The following ARPC2 variants were observed in gnomAD, a reference collection of about 807,000 sequenced individuals.
ARPC2 encodes the protein actin-related protein 2/3 complex subunit 2.
ARPC2 carries 4 observed loss-of-function variants against 38.6 expected under a neutral mutation model. That is an observed-to-expected ratio of 0.10 (90% CI 0.05 to 0.24). The LOEUF is 0.24. Ranked by LOEUF, ARPC2 falls within the 10% of genes least tolerant of loss-of-function variation. ARPC2 has a pLI of 1.00. For missense variants in ARPC2, 229 were observed against 387.3 expected, an observed-to-expected ratio of 0.59 and a Z score of 3.43; for synonymous variants, 125 against 140.8, an observed-to-expected ratio of 0.89 and a Z score of 0.79.
chr2:218,249,681 C>A, intron 9 of ARPC2, 140 bp from the exon 10 acceptor site: 2 of 860,134 alleles, frequency 2.3e-6, no homozygotes, highest in South Asian at 1.8e-5. Flanking sequence ...AATTGCTCAC[C>A]TTCCTGCTTC....
At chr2:218,246,156 G>A (rs1196407660) in intron 8 of ARPC2, among the ~76,000 whole-genome samples, 2 of 151,338 alleles carry the variant, frequency 1.3e-5, no homozygotes, top group Admixed American at 6.6e-5. Flanking sequence ...GGTGGAGGTT[G>A]TAATGAGCTG....
chr2:218,249,516 C>T, intron 9 of ARPC2, 52 bp downstream of exon 9: 1 of 1,370,912 alleles, frequency 7.3e-7, no homozygotes, highest in Non-Finnish European at 1.0e-6. Flanking sequence ...TTTTCCTCCA[C>T]CAGAACTCCT....
intron 3 of ARPC2, 65 bp from the exon 4 acceptor site, chr2:218,228,673 A>G (rs1689564071): frequency 1.0e-6 from 1 of 956,302 alleles, no homozygotes; most frequent in Admixed American, 2.0e-5. Context: ...ACGGCAAGGT[A>G]GGCGCTTGGA....
chr2:218,234,984 GTGA>G (rs1266856983), intron 5 of ARPC2: 1 of 390,552 alleles, frequency 2.6e-6, no homozygotes, highest in Non-Finnish European at 5.1e-6. Flanking sequence ...TTTTTACCCT[GTGA>G]TTCAGTGGCA....
intron 8 of ARPC2, among the ~76,000 whole-genome samples, chr2:218,245,876 A>T (rs111839096): frequency 7.8e-4 from 119 of 152,270 alleles, no homozygotes; most frequent in African/African-American, 2.4e-3. Flanking sequence ...CTTCCTCAGT[A>T]GGAGACGTCC....
intron 10 of ARPC2, among the ~76,000 whole-genome samples, chr2:218,250,857 T>C (rs1016961913): frequency 6.6e-6 from 1 of 151,952 alleles, no homozygotes; most frequent in Non-Finnish European, 1.5e-5. Flanking sequence ...TTTTGTTTGT[T>C]TGTTTGTTTT....
rs780568820 is a variant in ARPC2 at position 218,239,383 on chromosome 2, C to T, written c.456-8C>T. 3 of 1,604,186 alleles carry T rather than the reference C, an allele frequency of 1.9e-6. No homozygotes were observed. Among genetic ancestry groups the T allele is most frequent in the East Asian group, 2.2e-5 (1 of 44,840 alleles). On this transcript the variant is annotated splice_polypyrimidine_tract_variant and splice_region_variant and intron_variant, in intron 6 of 10. Coordinates refer to ENST00000315717, the MANE Select transcript of ARPC2 (RefSeq NM_152862.3). ...TGTACTTATCCTCATGGATTTTGTTCCTCTCAGGTATGTTGAGTCTAAAAA... is the reference window on the plus strand; with the variant it reads ...TGTACTTATCCTCATGGATTTTGTTTCTCTCAGGTATGTTGAGTCTAAAAA...
rs143991115 is a variant in ARPC2 at position 218,220,146 on chromosome 2, G to C, written c.74+2602G>C. On this transcript the variant is annotated intron_variant, in intron 2 of 10. Transcript: ENST00000315717. ...GAAAGGTGTTGGGGTGGAGATCAGAGAAAGACATTAAAGGGAGTAGTTTGG... is the reference window on the plus strand; with the variant it reads ...GAAAGGTGTTGGGGTGGAGATCAGACAAAGACATTAAAGGGAGTAGTTTGG... Among the ~76,000 whole-genome samples the C allele has an allele frequency of 4.2e-4, 64 of 152,334 alleles. 2 individuals are homozygous for C. The South Asian group carries it at 7.1e-3, about 17-fold the overall frequency.
chr2:218,242,431 G>A (rs768529308), intron 7 of ARPC2, among the ~76,000 whole-genome samples: 17 of 152,208 alleles, frequency 1.1e-4, no homozygotes, highest in Non-Finnish European at 2.2e-4. Context: ...CAGGGACAAA[G>A]ACACAAGCAC....
At chr2:218,217,987 T>G (rs1689295140) in intron 2 of ARPC2, among the ~76,000 whole-genome samples, 1 of 152,078 alleles carries the variant, frequency 6.6e-6, no homozygotes, top group Non-Finnish European at 1.5e-5. Context: ...GGGAAGGAGA[T>G]GCAGGCCCAC....
At chr2:218,223,437 A>T (rs1015578969) in intron 2 of ARPC2, among the ~76,000 whole-genome samples, 1 of 128,250 alleles carries the variant, frequency 7.8e-6, no homozygotes. Flanking sequence ...GGCAATTTGG[A>T]TATGCCAAAG....
chr2:218,219,840 TA>T (rs67037525), intron 2 of ARPC2, among the ~76,000 whole-genome samples: 1 of 151,058 alleles, frequency 6.6e-6, no homozygotes, highest in African/African-American at 2.4e-5. Flanking sequence ...TGAAAATCTT[TA>T]AAAAAAAAGA....
intron 5 of ARPC2, among the ~76,000 whole-genome samples, chr2:218,237,943 AC>A (rs1221273606): frequency 6.6e-6 from 1 of 152,122 alleles, no homozygotes; most frequent in East Asian, 1.9e-4. Context: ...AGTGCCCTAC[AC>A]TTATGTGTCA....
At chr2:218,248,838 G>A (rs969157936) in intron 8 of ARPC2, among the ~76,000 whole-genome samples, 3 of 152,198 alleles carry the variant, frequency 2.0e-5, no homozygotes, top group African/African-American at 7.2e-5. Flanking sequence ...CTCCTGCCTG[G>A]CCTATCATGA....
At chr2:218,253,802 T>G in intron 10 of ARPC2, 89 bp from the exon 11 acceptor site, 2 of 1,465,582 alleles carry the variant, frequency 1.4e-6, no homozygotes, top group Non-Finnish European at 1.8e-6. Flanking sequence ...CATTTGGTGT[T>G]TCTTTGGGAT....
In ARPC2 at chr2:218,245,335, A is replaced by C. The variant is rs927277307; in HGVS notation, c.550-85A>C. 5.1e-6 allele frequency: 8 copies of C among 1,567,724 alleles called. No individual in the cohort carries two copies. The East Asian group carries it at 6.8e-5, about 13-fold the overall frequency. ...TGGTCTGGAGGGCTACAAAGGTCACACCACATAGAACAAACCCTATAGCTT... is the reference window on the plus strand; with the variant it reads ...TGGTCTGGAGGGCTACAAAGGTCACCCCACATAGAACAAACCCTATAGCTT... On this transcript the variant is annotated intron_variant, in intron 7 of 10. Transcript: ENST00000315717.
chr2:218,227,784 G>A (rs1231699954), intron 3 of ARPC2, among the ~76,000 whole-genome samples: 2 of 152,054 alleles, frequency 1.3e-5, no homozygotes, highest in Non-Finnish European at 2.9e-5. Flanking sequence ...TAGAGACAGG[G>A]TTTCACCATG....
At chr2:218,247,682 G>A (rs1354536222) in intron 8 of ARPC2, among the ~76,000 whole-genome samples, 1 of 151,932 alleles carries the variant, frequency 6.6e-6, no homozygotes, top group Non-Finnish European at 1.5e-5. Context: ...GGTGGCTCAC[G>A]CCTGTAATCC....
intron 2 of ARPC2, among the ~76,000 whole-genome samples, chr2:218,217,914 C>G (rs1006237655): frequency 1.3e-5 from 2 of 152,186 alleles, no homozygotes; most frequent in Non-Finnish European, 2.9e-5. Context: ...TGTTCTGAAC[C>G]CAGAGAGAGC....
Sources: gnomAD v4.1 joint callset for allele counts (sites outside exome capture counted in the v4.1 genomes callset) on GRCh38, gnomAD v4.1.1 for gene constraint, MANE v1.5 for transcripts, NCBI Gene and HGNC (gene_info 2026-07-23, HGNC 2026-07-21) for gene names.